Variants in CNTNAP4 observed in about 807,000 individuals in gnomAD.
CNTNAP4 encodes contactin-associated protein-like 4.
In CNTNAP4, 98 loss-of-function variants were observed where a neutral mutation model predicts 148.4. The observed-to-expected ratio is 0.66, with a 90% CI of 0.56 to 0.78. CNTNAP4 has a LOEUF of 0.78. CNTNAP4 is among the 30% of genes least tolerant of loss of function. The pLI is 0.00. For synonymous variants in CNTNAP4, 730 were observed against 565.1 expected (o/e 1.29, Z -4.14); for missense variants, 1,935 against 1,565.6 (o/e 1.24, Z -3.98).
chr16:76,390,429 C>T (rs983533571), intron 3 of CNTNAP4, among the ~76,000 whole-genome samples: 46 of 152,114 alleles, frequency 3.0e-4, no homozygotes, highest in African/African-American at 1.1e-3. Context: ...TTTGCCAGGA[C>T]ACTTGTCTCC....
chr16:76,472,944 C>G (rs2081426216), intron 10 of CNTNAP4, among the ~76,000 whole-genome samples: 1 of 151,934 alleles, frequency 6.6e-6, no homozygotes, highest in South Asian at 2.1e-4. Flanking sequence ...ATAAGTTACC[C>G]CTGAACTTAA....
rs576459959 is a variant in CNTNAP4 at position 76,327,445 on chromosome 16, A to G, written c.196+10922A>G. 5.3e-5 allele frequency among the ~76,000 whole-genome samples: 8 copies of G among 152,248 alleles called. No individual in the cohort carries two copies. The East Asian group carries it at 1.5e-3, about 29-fold the overall frequency. ...TGTATATACGACATTTTCTTTATTCAGTCCATCATTGATGGGTACCTGGGT... is the reference window on the plus strand; with the variant it reads ...TGTATATACGACATTTTCTTTATTCGGTCCATCATTGATGGGTACCTGGGT... On this transcript the variant is annotated intron_variant, in intron 2 of 23. Coordinates refer to ENST00000611870, the MANE Select transcript of CNTNAP4 (RefSeq NM_033401.5).
chr16:76,305,879 T>C (rs921838652), intron 1 of CNTNAP4, among the ~76,000 whole-genome samples: 1 of 152,180 alleles, frequency 6.6e-6, no homozygotes. Flanking sequence ...GCTCAATGTT[T>C]AGCTCTCACT....
intron 12 of CNTNAP4, among the ~76,000 whole-genome samples, chr16:76,481,878 G>C (rs911458028): frequency 3.2e-4 from 48 of 152,124 alleles, no homozygotes; most frequent in African/African-American, 1.1e-3. Flanking sequence ...TGAGTAAGTG[G>C]GGCGTAGGAA....
At chr16:76,298,677 T>C (rs1049840263) in intron 1 of CNTNAP4, among the ~76,000 whole-genome samples, 2 of 152,126 alleles carry the variant, frequency 1.3e-5, no homozygotes, top group Non-Finnish European at 2.9e-5. Flanking sequence ...TGCAGCCATA[T>C]AGAGCTCTCC....
At chr16:76,426,757 G>C (rs2079419804) in intron 3 of CNTNAP4, among the ~76,000 whole-genome samples, 1 of 151,894 alleles carries the variant, frequency 6.6e-6, no homozygotes, top group South Asian at 2.1e-4. Flanking sequence ...TAATTTCCTT[G>C]TCTGCAATTT....
chr16:76,366,205 T>A (rs913505962), intron 3 of CNTNAP4, among the ~76,000 whole-genome samples: 9 of 152,212 alleles, frequency 5.9e-5, no homozygotes, highest in African/African-American at 1.7e-4. Context: ...GTTAAACTCA[T>A]GTTGTACAGA....
At chr16:76,551,421 A>ATT (rs1367574479) in intron 21 of CNTNAP4, among the ~76,000 whole-genome samples, 2 of 149,314 alleles carry the variant, frequency 1.3e-5, no homozygotes, top group Non-Finnish European at 3.0e-5. Flanking sequence ...ATATATATAT[A>ATT]TTAGAGCTCA....
chr16:76,378,809 C>T (rs567707471), intron 3 of CNTNAP4, among the ~76,000 whole-genome samples: 10 of 152,272 alleles, frequency 6.6e-5, no homozygotes, highest in African/African-American at 2.2e-4. Flanking sequence ...GAAAACCCGG[C>T]CCAGCTGTTC....
intron 2 of CNTNAP4, among the ~76,000 whole-genome samples, chr16:76,328,066 A>G (rs1963168741): frequency 6.6e-6 from 1 of 152,226 alleles, no homozygotes; most frequent in South Asian, 2.1e-4. Context: ...AGAATTCCAA[A>G]TAATTTATAT....
At chr16:76,295,758 A>T (rs1959228230) in intron 1 of CNTNAP4, among the ~76,000 whole-genome samples, 1 of 152,188 alleles carries the variant, frequency 6.6e-6, no homozygotes, top group Admixed American at 6.5e-5. Context: ...AAATGTGCTT[A>T]TATCTTCCAA....
In CNTNAP4 at chr16:76,318,377, C is replaced by T. The variant is rs1330347012; in HGVS notation, c.196+1854C>T. ...ATCATATTTTTCATTAATTTATATA[C>T]TCATCAGGAGTCTCCATCAGTGGGA... On this transcript the variant is annotated intron_variant, in intron 2 of 23. Coordinates refer to ENST00000611870, the MANE Select transcript of CNTNAP4 (RefSeq NM_033401.5). Among the ~76,000 whole-genome samples the T allele has an allele frequency of 5.3e-5, 8 of 152,014 alleles. No individual in the cohort carries two copies. In the East Asian group the frequency reaches 1.5e-3, roughly 29 times the overall value.
chr16:76,353,679 C>G (rs1192778157), intron 2 of CNTNAP4, among the ~76,000 whole-genome samples: 2 of 152,074 alleles, frequency 1.3e-5, no homozygotes, highest in East Asian at 3.9e-4. Context: ...ACAGAAGCTG[C>G]CTCCTACAGC....
chr16:76,529,411 G>A (rs775531251), intron 17 of CNTNAP4, among the ~76,000 whole-genome samples: 24 of 152,120 alleles, frequency 1.6e-4, no homozygotes, highest in Non-Finnish European at 3.2e-4. Context: ...TGCTGTTATC[G>A]TAGACTCACA....
intron 15 of CNTNAP4, among the ~76,000 whole-genome samples, chr16:76,504,138 CA>C (rs2082753639): frequency 6.6e-6 from 1 of 151,508 alleles, no homozygotes; most frequent in Non-Finnish European, 1.5e-5. Context: ...AGTAGAATAG[CA>C]AAAATGTTTT....
rs1438594699 is a variant in CNTNAP4, at chr16:76,277,684, G to C, written c.22G>C (p.Val8Leu). The change falls in exon 1 of 24, where the codon GTC (valine) becomes CTC (leucine). Residue 8 changes from valine to leucine, a missense_variant. Coordinates refer to ENST00000611870, the MANE Select transcript of CNTNAP4 (RefSeq NM_033401.5). The stretch of plus-strand genomic sequence containing the variant: ...GAACATGGGATCTGTCACGGGAGCT[G>C]TCCTCAAGACGCTACTTCTGTTATC... MGSVTGA[V>L]LKTLLLLSTQ... 6 of 1,605,828 alleles carry C rather than the reference G, an allele frequency of 3.7e-6. No homozygotes were observed. In the Admixed American group the frequency reaches 8.5e-5, roughly 23 times the overall value.
chr16:76,286,830 A>G (rs774863463), intron 1 of CNTNAP4, among the ~76,000 whole-genome samples: 3 of 152,228 alleles, frequency 2.0e-5, no homozygotes, highest in Non-Finnish European at 4.4e-5. Context: ...AAGGATTTAT[A>G]ATACATATTT....
At chr16:76,313,107 G>A (rs1379966313) in intron 1 of CNTNAP4, among the ~76,000 whole-genome samples, 1 of 151,990 alleles carries the variant, frequency 6.6e-6, no homozygotes, top group Non-Finnish European at 1.5e-5. Flanking sequence ...TTCTCCCCAC[G>A]AATGTAAAAA....
intron 2 of CNTNAP4, among the ~76,000 whole-genome samples, chr16:76,325,055 C>A (rs907686014): frequency 1.3e-5 from 2 of 152,008 alleles, no homozygotes; most frequent in Non-Finnish European, 2.9e-5. Flanking sequence ...GGGCAAAGAT[C>A]CCCCCAAAAA....
Sources: gnomAD v4.1 joint callset for allele counts (sites outside exome capture counted in the v4.1 genomes callset) on GRCh38, gnomAD v4.1.1 for gene constraint, MANE v1.5 for transcripts, NCBI Gene and HGNC (gene_info 2026-07-23, HGNC 2026-07-21) for gene names.